The following PLSCR4 variants were observed in gnomAD, a reference collection of about 807,000 sequenced individuals.
PLSCR4 encodes phospholipid scramblase 4, also known as Ca(2+)-dependent phospholipid scramblase 4.
A neutral mutation model predicts 36.3 loss-of-function variants in PLSCR4; 25 were observed. The ratio of observed to expected loss-of-function variants is 0.69; its 90% CI spans 0.50 to 0.96. The LOEUF (loss-of-function observed/expected upper bound fraction) is 0.96. Ranked by LOEUF, PLSCR4 falls within the 40% of genes least tolerant of loss-of-function variation. The pLI, the probability that PLSCR4 is intolerant of heterozygous loss-of-function variation, is 0.00. For missense variants in PLSCR4, 408 were observed against 414.7 expected, an observed-to-expected ratio of 0.98 and a Z score of 0.14; for synonymous variants, 122 against 132.9, an observed-to-expected ratio of 0.92 and a Z score of 0.56.
At chr3:146,238,601 TA>T (rs1364915489) in intron 1 of PLSCR4, among the ~76,000 whole-genome samples, 2 of 152,054 alleles carry the variant, frequency 1.3e-5, no homozygotes, top group Non-Finnish European at 2.9e-5. Flanking sequence ...TCTTTATTGA[TA>T]AAAACAATAA....
At chr3:146,249,664 T>A (rs1036019377) in intron 1 of PLSCR4, among the ~76,000 whole-genome samples, 1 of 150,900 alleles carries the variant, frequency 6.6e-6, no homozygotes, top group Non-Finnish European at 1.5e-5. Flanking sequence ...TATTTTATTA[T>A]TTGTAATATA....
intron 1 of PLSCR4, among the ~76,000 whole-genome samples, chr3:146,236,812 T>C (rs1209217819): frequency 6.6e-6 from 1 of 152,040 alleles, no homozygotes; most frequent in Non-Finnish European, 1.5e-5. Context: ...TAAAAGAAAC[T>C]AACTTCAAAT....
intron 3 of PLSCR4, among the ~76,000 whole-genome samples, chr3:146,213,997 G>C: frequency 6.6e-6 from 1 of 151,156 alleles, no homozygotes; most frequent in Non-Finnish European, 1.5e-5. Context: ...TGGTTTTGTT[G>C]ATTTTGTTTA....
chr3:146,242,239 G>C (rs921607862), intron 1 of PLSCR4, among the ~76,000 whole-genome samples: 1 of 152,164 alleles, frequency 6.6e-6, no homozygotes, highest in South Asian at 2.1e-4. Flanking sequence ...TCTGAGGGCT[G>C]CCTGATTCAT....
At chr3:146,239,537 A>C (rs867292746) in intron 1 of PLSCR4, among the ~76,000 whole-genome samples, 79 of 150,292 alleles carry the variant, frequency 5.3e-4, no homozygotes, top group African/African-American at 1.8e-3. Context: ...AAAAAAAAAA[A>C]AACTTGGACC....
rs771271912 is a variant in PLSCR4 at position 146,196,831 on chromosome 3, T to C, written c.625-38A>G. The C allele has an allele frequency of 3.0e-5, 47 of 1,582,102 alleles. No homozygotes were observed. In the East Asian group the frequency reaches 1.0e-3, roughly 34 times the overall value. On this transcript the variant is annotated intron_variant, in intron 6 of 8. Transcript: ENST00000354952. ...CAGTGACAGAAGTTAGGATGCTACATGCATACACATACACTTACACATACG... is the reference window on the plus strand; with the variant it reads ...CAGTGACAGAAGTTAGGATGCTACACGCATACACATACACTTACACATACG...
intron 1 of PLSCR4, among the ~76,000 whole-genome samples, chr3:146,232,922 T>C (rs1391945578): frequency 6.6e-6 from 1 of 150,906 alleles, no homozygotes; most frequent in African/African-American, 2.4e-5. Flanking sequence ...AAAATCTACA[T>C]TACAAGCTTG....
At chr3:146,233,035 A>C (rs1211524786) in intron 1 of PLSCR4, among the ~76,000 whole-genome samples, 2 of 152,112 alleles carry the variant, frequency 1.3e-5, no homozygotes, top group African/African-American at 4.8e-5. Flanking sequence ...GTTTACATAC[A>C]TCAATTTCTT....
chr3:146,202,003 TGAA>T (rs2034073246), intron 4 of PLSCR4, among the ~76,000 whole-genome samples: 1 of 151,924 alleles, frequency 6.6e-6, no homozygotes, highest in African/African-American at 2.4e-5. Flanking sequence ...CATTAATTAA[TGAA>T]GAATATATGA....
chr3:146,218,027 C>T (rs115034593), intron 3 of PLSCR4, among the ~76,000 whole-genome samples: 2,225 of 152,016 alleles, frequency 0.015, 60 homozygotes, highest in African/African-American at 0.051. Flanking sequence ...ATTTTGAGAA[C>T]AGCACTTTTT....
At chr3:146,222,947 T>C (rs1286338006) in intron 1 of PLSCR4, among the ~76,000 whole-genome samples, 1 of 152,096 alleles carries the variant, frequency 6.6e-6, no homozygotes, top group Non-Finnish European at 1.5e-5. Flanking sequence ...GAGTCGCTGA[T>C]GGACTAAGGT....
At chr3:146,242,535 G>C (rs2036195001) in intron 1 of PLSCR4, among the ~76,000 whole-genome samples, 1 of 152,130 alleles carries the variant, frequency 6.6e-6, no homozygotes, top group Non-Finnish European at 1.5e-5. Context: ...ACAGGACTGG[G>C]CCCAGTAGGG....
chr3:146,239,945 C>T (rs543338558), intron 1 of PLSCR4, among the ~76,000 whole-genome samples: 13 of 151,740 alleles, frequency 8.6e-5, no homozygotes, highest in South Asian at 6.3e-4. Flanking sequence ...TAGAAGAAAA[C>T]GCAGGAGTAA....
At chr3:146,215,341 A>G (rs192658312) in intron 3 of PLSCR4, among the ~76,000 whole-genome samples, 10 of 152,048 alleles carry the variant, frequency 6.6e-5, no homozygotes, top group Admixed American at 3.3e-4. Context: ...ATTATTCACT[A>G]TGTGTTATAT....
intron 4 of PLSCR4, among the ~76,000 whole-genome samples, chr3:146,202,783 AC>A (rs1394280222): frequency 1.3e-5 from 2 of 151,952 alleles, no homozygotes; most frequent in East Asian, 3.9e-4. Context: ...GTATTCTAAA[AC>A]CTTTGTCATT....
At chr3:146,212,614 C>A (rs1319571541) in intron 3 of PLSCR4, among the ~76,000 whole-genome samples, 1 of 151,956 alleles carries the variant, frequency 6.6e-6, no homozygotes, top group Admixed American at 6.6e-5. Flanking sequence ...TGTACCACTG[C>A]ACCCAGCTTA....
At chr3:146,246,817 A>G (rs1258896743) in intron 1 of PLSCR4, among the ~76,000 whole-genome samples, 1 of 152,172 alleles carries the variant, frequency 6.6e-6, no homozygotes, top group Non-Finnish European at 1.5e-5. Flanking sequence ...TTTAAAAAAC[A>G]GATGTTATGT....
At chr3:146,222,042 C>A (rs1021768348) in intron 2 of PLSCR4, 23 bp downstream of exon 2, 1 of 1,232,768 alleles carries the variant, frequency 8.1e-7, no homozygotes, top group Non-Finnish European at 1.1e-6. Context: ...AAAGCATATT[C>A]AAATTTATTC....
intron 5 of PLSCR4, among the ~76,000 whole-genome samples, chr3:146,200,756 T>C (rs34363776): frequency 0.038 from 5,836 of 152,030 alleles, 175 homozygotes; most frequent in South Asian, 0.081. Context: ...CTTTGAAAGG[T>C]AAATGTGGAG....
Sources: gnomAD v4.1 joint callset for allele counts (sites outside exome capture counted in the v4.1 genomes callset) on GRCh38, gnomAD v4.1.1 for gene constraint, MANE v1.5 for transcripts, NCBI Gene and HGNC (gene_info 2026-07-23, HGNC 2026-07-21) for gene names.